Variants in CLMN observed in about 807,000 individuals in gnomAD.
CLMN encodes the protein calmin (calponin-like, transmembrane).
Under a neutral mutation model 92.7 loss-of-function variants are expected in CLMN, and 57 were observed. The observed-to-expected ratio is 0.61, with a 90% CI of 0.50 to 0.77. The LOEUF is 0.77. Among genes scored for constraint, CLMN ranks in the 30% least tolerant of loss-of-function variants. The pLI, the probability that CLMN is intolerant of heterozygous loss-of-function variation, is 0.00. For synonymous variants in CLMN, 466 were observed against 470.6 expected, an observed-to-expected ratio of 0.99 and a Z score of 0.13; for missense variants, 1,158 against 1,237.5, an observed-to-expected ratio of 0.94 and a Z score of 0.96.
At chr14:95,258,896 G>A (rs1899134107) in intron 1 of CLMN, among the ~76,000 whole-genome samples, 1 of 150,178 alleles carries the variant, frequency 6.7e-6, no homozygotes, top group Non-Finnish European at 1.5e-5. Context: ...GTGTGTGGAG[G>A]GTGTGTGTGT....
intron 1 of CLMN, among the ~76,000 whole-genome samples, chr14:95,311,422 G>A (rs1205172712): frequency 3.3e-5 from 5 of 152,118 alleles, no homozygotes; most frequent in Admixed American, 2.0e-4. Flanking sequence ...CAGTTAGACC[G>A]GGAGGTCTGC....
chr14:95,252,260 C>T lies in CLMN; in HGVS notation c.83-22127G>A, dbSNP rs114811534. 7.6e-3 allele frequency among the ~76,000 whole-genome samples: 1,165 copies of T among 152,298 alleles called. 22 individuals are homozygous for T. Among genetic ancestry groups the T allele is most frequent in the African/African-American group, 0.027 (1,109 of 41,574 alleles). ...AGGCTGCCTGGCCTCGACCATTTAC[C>T]AGCTCTGAGAGGGTGGGAAAGCTGC... On this transcript the variant is annotated intron_variant, in intron 1 of 12. Coordinates refer to ENST00000298912, the MANE Select transcript of CLMN (RefSeq NM_024734.4).
chr14:95,315,161 G>T (rs2140804622), intron 1 of CLMN, among the ~76,000 whole-genome samples: 1 of 152,252 alleles, frequency 6.6e-6, no homozygotes, highest in East Asian at 1.9e-4. Context: ...GTGGGGGCAG[G>T]AATTGTTGGG....
intron 1 of CLMN, among the ~76,000 whole-genome samples, chr14:95,317,826 C>T (rs185486428): frequency 9.1e-4 from 139 of 152,148 alleles, no homozygotes; most frequent in Admixed American, 9.0e-3. Flanking sequence ...TTTTGTTGAA[C>T]TTAATAAGTG....
intron 4 of CLMN, among the ~76,000 whole-genome samples, chr14:95,216,779 T>G (rs963436406): frequency 6.6e-6 from 1 of 152,216 alleles, no homozygotes; most frequent in African/African-American, 2.4e-5. Flanking sequence ...AGAATGATGC[T>G]CCTGGTAAAT....
rs1898453717 is a variant in CLMN at position 95,245,211 on chromosome 14, T to TATATATATATAATATATATATATATA, written c.83-15079_83-15078insTATATATATATATATTATATATATAT. 4.8e-3 allele frequency among the ~76,000 whole-genome samples: 105 copies of TATATATATATAATATATATATATATA among 21,666 alleles called. 4 individuals are homozygous for TATATATATATAATATATATATATATA. Among genetic ancestry groups the TATATATATATAATATATATATATATA allele is most frequent in the Non-Finnish European group, 6.2e-3 (86 of 13,976 alleles). 14.2% of individuals were successfully genotyped at this position (21,666 alleles called of 152,430 possible). A position where few individuals can be genotyped will look rare whatever the true frequency, so the allele number is the denominator to read the frequency against. ...ATATATATAATATATATATATATTA[T>TATATATATATAATATATATATATATA]ATATATATATATATTATATATATAT... On this transcript the variant is annotated intron_variant, in intron 1 of 12. Transcript: ENST00000298912.
At chr14:95,231,477 C>T (rs543264751) in intron 1 of CLMN, among the ~76,000 whole-genome samples, 1 of 152,128 alleles carries the variant, frequency 6.6e-6, no homozygotes, top group African/African-American at 2.4e-5. Flanking sequence ...GGATTACAGG[C>T]GTGAGCCACC....
intron 4 of CLMN, among the ~76,000 whole-genome samples, chr14:95,219,929 AC>A (rs1001394637): frequency 3.9e-5 from 6 of 152,094 alleles, no homozygotes; most frequent in African/African-American, 1.4e-4. Flanking sequence ...TCTAAAAGAA[AC>A]CCTGTACCCT....
intron 4 of CLMN, 82 bp from the exon 5 acceptor site, chr14:95,215,815 CTGTGTGTGTGTGTGTGTGTGTGTG>C (rs57063101): frequency 1.6e-5 from 9 of 571,812 alleles, no homozygotes; most frequent in Admixed American, 2.8e-5. Context: ...CTCTCTCTCT[CTGTGTGTGTGTGTGTGTGTGTGTG>C]TGTGTGTGTG....
intron 1 of CLMN, among the ~76,000 whole-genome samples, chr14:95,280,949 C>A (rs1407130842): frequency 1.3e-5 from 2 of 152,140 alleles, no homozygotes; most frequent in Non-Finnish European, 2.9e-5. Flanking sequence ...CATCCACAGA[C>A]AATTGTTATC....
At chr14:95,231,703 A>T (rs1897895073) in intron 1 of CLMN, among the ~76,000 whole-genome samples, 1 of 152,240 alleles carries the variant, frequency 6.6e-6, no homozygotes, top group Admixed American at 6.5e-5. Context: ...GAAGAGAGGC[A>T]GAGCTGGGAA....
intron 1 of CLMN, among the ~76,000 whole-genome samples, chr14:95,276,947 T>TC (rs1304685113): frequency 8.6e-4 from 1 of 1,158 alleles, no homozygotes; most frequent in Non-Finnish European, 1.8e-3. Flanking sequence ...AAAAAGATGA[T>TC]TTTTTTTTTT....
At chr14:95,316,256 C>T (rs1209251417) in intron 1 of CLMN, among the ~76,000 whole-genome samples, 1 of 152,264 alleles carries the variant, frequency 6.6e-6, no homozygotes, top group Non-Finnish European at 1.5e-5. Context: ...CAGCATCCTG[C>T]AATTCCATCT....
In CLMN at chr14:95,222,402, C is replaced by T. The variant is rs531835721; in HGVS notation, c.241-628G>A. On this transcript the variant is annotated intron_variant, in intron 3 of 12. Transcript: ENST00000298912. ...CAGGAATACCATCACAGCCAACTCA[C>T]CCTGAACTGAAGCACACTGACGCTC... is the stretch of plus-strand genomic sequence containing the variant. 627 of 353,658 alleles carry T rather than the reference C, an allele frequency of 1.8e-3. 2 individuals carry two copies. The highest frequency in any genetic ancestry group is 7.2e-3 in the African/African-American group (339 of 46,942). 21.9% of individuals were successfully genotyped at this position (353,658 alleles called of 1,614,324 possible).
intron 1 of CLMN, among the ~76,000 whole-genome samples, chr14:95,300,939 G>C (rs1392783438): frequency 6.6e-6 from 1 of 152,222 alleles, no homozygotes; most frequent in Non-Finnish European, 1.5e-5. Flanking sequence ...GTTAACTCAG[G>C]AATCAGAAGG....
chr14:95,206,761 A>T (rs1897056332), intron 8 of CLMN, among the ~76,000 whole-genome samples: 1 of 152,214 alleles, frequency 6.6e-6, no homozygotes, highest in Non-Finnish European at 1.5e-5. Flanking sequence ...TTCTGACCTC[A>T]GCATTGGGGA....
chr14:95,197,876 G>A (rs958167116), intron 9 of CLMN, among the ~76,000 whole-genome samples: 1 of 152,040 alleles, frequency 6.6e-6, no homozygotes, highest in South Asian at 2.1e-4. Flanking sequence ...GAAAAGCTGC[G>A]CTCAGCAATC....
chr14:95,288,088 A>G (rs539639044), intron 1 of CLMN, among the ~76,000 whole-genome samples: 1 of 152,358 alleles, frequency 6.6e-6, no homozygotes, highest in African/African-American at 2.4e-5. Context: ...ACCACAGCAT[A>G]GTGGGGCCTG....
At chr14:95,198,631 A>G (rs1012297455) in intron 9 of CLMN, among the ~76,000 whole-genome samples, 4 of 152,134 alleles carry the variant, frequency 2.6e-5, no homozygotes, top group Non-Finnish European at 5.9e-5. Flanking sequence ...ACTGCACCCA[A>G]GGGAGCTCAT....
Sources: gnomAD v4.1 joint callset for allele counts (sites outside exome capture counted in the v4.1 genomes callset) on GRCh38, gnomAD v4.1.1 for gene constraint, MANE v1.5 for transcripts, NCBI Gene and HGNC (gene_info 2026-07-23, HGNC 2026-07-21) for gene names.